UNC13C: variants seen among roughly 807,000 people sequenced by gnomAD.
UNC13C encodes protein unc-13 homolog C.
Under a neutral mutation model 245.4 loss-of-function variants are expected in UNC13C, and 174 were observed. The observed-to-expected ratio is 0.71, with a 90% CI of 0.63 to 0.80. UNC13C has a LOEUF of 0.80. UNC13C is among the 30% of genes least tolerant of loss of function. The pLI is 0.00. For missense variants in UNC13C, 2,829 were observed against 2,602.9 expected (o/e 1.09, Z -1.89); for synonymous variants, 992 against 895.1 (o/e 1.11, Z -1.93).
intron 2 of UNC13C, among the ~76,000 whole-genome samples, chr15:54,088,885 A>G (rs761715468): frequency 7.9e-5 from 12 of 152,214 alleles, no homozygotes; most frequent in Non-Finnish European, 1.6e-4. Context: ...AGGAAAACCT[A>G]ATTTTACACT....
the UNC13C span, among the ~76,000 whole-genome samples, chr15:53,862,151 C>A: frequency 6.6e-6 from 1 of 152,114 alleles, no homozygotes; most frequent in Non-Finnish European, 1.5e-5. Flanking sequence ...CTATTCCTGG[C>A]TTGTAGACAG....
chr15:53,926,970 T>C, the UNC13C span, among the ~76,000 whole-genome samples: 3 of 152,152 alleles, frequency 2.0e-5, no homozygotes, highest in Non-Finnish European at 4.4e-5. Context: ...TGAGTAAGCA[T>C]TTTCCTCCAG....
chr15:53,937,217 G>A, the UNC13C span, among the ~76,000 whole-genome samples: 1 of 152,138 alleles, frequency 6.6e-6, no homozygotes, highest in Non-Finnish European at 1.5e-5. Flanking sequence ...AAAAACACAA[G>A]ATGAGAATTT....
At chr15:54,006,518 A>G (rs1354729524) in intron 1 of UNC13C, among the ~76,000 whole-genome samples, 1 of 152,188 alleles carries the variant, frequency 6.6e-6, no homozygotes, top group Non-Finnish European at 1.5e-5. Context: ...TCCCCCAAAC[A>G]TTATTTAATG....
At chr15:54,215,749 T>G (rs1197106206) in intron 4 of UNC13C, among the ~76,000 whole-genome samples, 1 of 151,884 alleles carries the variant, frequency 6.6e-6, no homozygotes, top group African/African-American at 2.4e-5. Flanking sequence ...AGACTCTCAT[T>G]AAGAAGCCCA....
At chr15:54,485,703 C>A (rs562047185) in intron 19 of UNC13C, among the ~76,000 whole-genome samples, 1 of 152,156 alleles carries the variant, frequency 6.6e-6, no homozygotes, top group African/African-American at 2.4e-5. Flanking sequence ...TCTCTGAACC[C>A]AGATCTCAAC....
At chr15:53,922,796 T>G in the UNC13C span, among the ~76,000 whole-genome samples, 1 of 152,220 alleles carries the variant, frequency 6.6e-6, no homozygotes, top group Admixed American at 6.5e-5. Context: ...AGTGATTAAC[T>G]GTGATTTTTA....
chr15:54,584,759 T>A (rs1423599210), intron 30 of UNC13C, among the ~76,000 whole-genome samples: 4 of 152,230 alleles, frequency 2.6e-5, no homozygotes, highest in African/African-American at 9.6e-5. Context: ...TTTCATCTGG[T>A]CCTCTCAGTG....
chr15:54,508,133 T>G (rs942356503), intron 23 of UNC13C, among the ~76,000 whole-genome samples: 1 of 151,708 alleles, frequency 6.6e-6, no homozygotes, highest in South Asian at 2.1e-4. Context: ...CTCAAACAAT[T>G]ATTTCTTATT....
At position 54,014,063 on chromosome 15, in the gene UNC13C, G is replaced by A; in HGVS notation, c.1160G>A (p.Arg387Lys). The change falls in exon 2 of 33, where the codon AGG (arginine) becomes AAG (lysine). Residue 387 changes from arginine to lysine, a missense_variant. Coordinates refer to ENST00000260323, the MANE Select transcript of UNC13C (RefSeq NM_001080534.3). ...GTGTACTTTGAAACCCCTCAACAAA[G>A]GGATTCTGTCTTAAAAAAGTCATAT... ...ILVYFETPQQ[R>K]DSVLKKSYKL... The A allele has an allele frequency of 6.2e-7, 1 of 1,613,726 alleles. No homozygotes were observed. The highest frequency in any genetic ancestry group is 8.5e-7 in the Non-Finnish European group (1 of 1,179,836).
At chr15:54,473,109 G>A (rs146283569) in intron 19 of UNC13C, among the ~76,000 whole-genome samples, 2 of 151,914 alleles carry the variant, frequency 1.3e-5, no homozygotes, top group Admixed American at 1.3e-4. Context: ...GTGAGAACAT[G>A]TGGTATTTGG....
chr15:54,273,989 G>T (rs1401624461), intron 10 of UNC13C, among the ~76,000 whole-genome samples: 1 of 152,090 alleles, frequency 6.6e-6, no homozygotes, highest in Non-Finnish European at 1.5e-5. Flanking sequence ...ATAATTCGTT[G>T]AACATGTATT....
At chr15:53,893,701 C>A in the UNC13C span, among the ~76,000 whole-genome samples, 15 of 151,872 alleles carry the variant, frequency 9.9e-5, no homozygotes, top group East Asian at 1.9e-4. Flanking sequence ...TCCCTCCCCC[C>A]ACCAAGCTCA....
At chr15:53,891,041 C>G in the UNC13C span, among the ~76,000 whole-genome samples, 4 of 152,106 alleles carry the variant, frequency 2.6e-5, no homozygotes, top group Admixed American at 2.0e-4. Context: ...TTAAATGTGT[C>G]CCGGAGATTC....
At chr15:53,921,161 T>G in the UNC13C span, among the ~76,000 whole-genome samples, 1 of 152,064 alleles carries the variant, frequency 6.6e-6, no homozygotes, top group Non-Finnish European at 1.5e-5. Flanking sequence ...GCATCTTTTT[T>G]CTATGACAGG....
At chr15:53,995,887 T>TAG (rs1012390469) in intron 1 of UNC13C, among the ~76,000 whole-genome samples, 7 of 151,882 alleles carry the variant, frequency 4.6e-5, no homozygotes, top group Admixed American at 2.0e-4. Context: ...CGTGGAGAAG[T>TAG]AGAGAGAGAG....
intron 2 of UNC13C, among the ~76,000 whole-genome samples, chr15:54,079,918 C>A (rs193059468): frequency 5.3e-5 from 8 of 151,222 alleles, no homozygotes; most frequent in Admixed American, 5.3e-4. Context: ...TCAACTTTTC[C>A]CCATTCAGTA....
chr15:54,553,099 TATATATTGTATTCTATATTACAATATATA>T, intron 28 of UNC13C, among the ~76,000 whole-genome samples: 1 of 90,660 alleles, frequency 1.1e-5, no homozygotes, highest in Admixed American at 1.8e-4. Flanking sequence ...CAATATATAA[TATATATTGTATTCTATATTACAATATATA>T]ATATATAGTA....
At chr15:54,020,229 G>C (rs1895834659) in intron 2 of UNC13C, among the ~76,000 whole-genome samples, 1 of 151,264 alleles carries the variant, frequency 6.6e-6, no homozygotes, top group Non-Finnish European at 1.5e-5. Context: ...AAACTTGAAA[G>C]AGATAAAATC....
Sources: gnomAD v4.1 joint callset for allele counts (sites outside exome capture counted in the v4.1 genomes callset) on GRCh38, gnomAD v4.1.1 for gene constraint, MANE v1.5 for transcripts, NCBI Gene and HGNC (gene_info 2026-07-23, HGNC 2026-07-21) for gene names.